Variants in SUSD4 observed in about 807,000 individuals in gnomAD.
SUSD4 encodes sushi domain containing 4, also known as sushi domain-containing protein 4.
Under a neutral mutation model 50.5 loss-of-function variants are expected in SUSD4, and 41 were observed. That is an observed-to-expected ratio of 0.81 (90% confidence interval 0.63 to 1.05). The LOEUF is 1.05. SUSD4 is among the 50% of genes least tolerant of loss of function. SUSD4 has a pLI of 0.00. For missense variants in SUSD4, 580 were observed against 634.7 expected (o/e 0.91, Z 0.93); for synonymous variants, 257 against 257.3 (o/e 1.00, Z 0.01).
intron 2 of SUSD4, among the ~76,000 whole-genome samples, chr1:223,293,551 A>T (rs958340467): frequency 6.6e-6 from 1 of 152,184 alleles, no homozygotes; most frequent in Non-Finnish European, 1.5e-5. Context: ...TGACTGAAAG[A>T]GAGAGAGCCC....
intron 2 of SUSD4, among the ~76,000 whole-genome samples, chr1:223,329,416 A>T (rs983482673): frequency 6.6e-6 from 1 of 152,038 alleles, no homozygotes; most frequent in African/African-American, 2.4e-5. Context: ...CCATATGTGC[A>T]CTCTCTAAGT....
chr1:223,321,855 A>AC (rs1666591479), intron 2 of SUSD4, among the ~76,000 whole-genome samples: 1 of 152,234 alleles, frequency 6.6e-6, no homozygotes, highest in Non-Finnish European at 1.5e-5. Context: ...CTTTATTAAA[A>AC]CATCAAATAA....
chr1:223,350,675 G>A (rs1334920014), intron 2 of SUSD4, among the ~76,000 whole-genome samples: 1 of 152,244 alleles, frequency 6.6e-6, no homozygotes, highest in Non-Finnish European at 1.5e-5. Context: ...GAACTTGGCT[G>A]TGGAGTCCTT....
At chr1:223,279,972 T>C (rs1384268913) in intron 3 of SUSD4, among the ~76,000 whole-genome samples, 3 of 152,184 alleles carry the variant, frequency 2.0e-5, no homozygotes, top group African/African-American at 7.2e-5. Context: ...CGGAATTTCA[T>C]ATCCAGCCAA....
At chr1:223,254,048 T>C (rs1343805614) in intron 5 of SUSD4, among the ~76,000 whole-genome samples, 1 of 152,136 alleles carries the variant, frequency 6.6e-6, no homozygotes, top group Non-Finnish European at 1.5e-5. Flanking sequence ...GTGAACTCAG[T>C]GAAAGAAAGG....
rs985921750 is a variant in SUSD4 at position 223,263,765 on chromosome 1, T to C, written c.724+865A>G. ...CCTCCCACACAGAGGTGCACACTTG[T>C]AGAGATGCTGTAAACTTGTAAGAAC... On this transcript the variant is annotated intron_variant, in intron 5 of 8. Coordinates refer to ENST00000366878, the MANE Select transcript of SUSD4 (RefSeq NM_017982.4). 4 of 985,372 alleles carry C rather than the reference T, an allele frequency of 4.1e-6. No homozygotes were observed. In the African/African-American group the frequency reaches 5.2e-5, roughly 13 times the overall value. The allele number at this position is 985,372 out of a possible 1,614,324, so 61.0% of individuals were successfully genotyped here.
intron 2 of SUSD4, among the ~76,000 whole-genome samples, chr1:223,304,900 C>T (rs1665438659): frequency 1.5e-5 from 2 of 136,388 alleles, no homozygotes; most frequent in African/African-American, 5.7e-5. Flanking sequence ...AGAATGAAAA[C>T]ATATTGCTTC....
intron 7 of SUSD4, among the ~76,000 whole-genome samples, chr1:223,224,873 T>C (rs1424081806): frequency 4.9e-5 from 7 of 142,682 alleles, no homozygotes; most frequent in African/African-American, 1.8e-4. Context: ...TTTTTTTTTT[T>C]TTTTTTTTTT....
At chr1:223,224,999 A>T (rs1202316544) in intron 7 of SUSD4, among the ~76,000 whole-genome samples, 2 of 150,534 alleles carry the variant, frequency 1.3e-5, no homozygotes, top group Non-Finnish European at 2.9e-5. Context: ...CCTCCCGAGT[A>T]GCTGGGATTA....
chr1:223,267,395 G>A (rs183070290), intron 4 of SUSD4, among the ~76,000 whole-genome samples: 61 of 152,308 alleles, frequency 4.0e-4, no homozygotes, highest in African/African-American at 1.4e-3. Flanking sequence ...TGATCGTGTC[G>A]GAGGACTGAA....
chr1:223,319,868 G>A (rs564427644), intron 2 of SUSD4, among the ~76,000 whole-genome samples: 252 of 152,334 alleles, frequency 1.7e-3, no homozygotes, highest in Admixed American at 2.7e-3. Flanking sequence ...TTGGTAGGAG[G>A]GGTGGATGGT....
intron 2 of SUSD4, among the ~76,000 whole-genome samples, chr1:223,322,672 A>G (rs996071888): frequency 1.3e-5 from 2 of 152,024 alleles, no homozygotes; most frequent in African/African-American, 4.8e-5. Flanking sequence ...GTTGACATGT[A>G]GGTACGTGTG....
chr1:223,268,586 A>T lies in SUSD4; in HGVS notation c.451T>A (p.Phe151Ile), dbSNP rs758010426. 2 of 1,613,980 alleles carry T rather than the reference A, an allele frequency of 1.2e-6. No individual in the cohort carries two copies. The highest frequency in any genetic ancestry group is 1.7e-6 in the Non-Finnish European group (2 of 1,179,972). ...TGTAGGTCGGGGTACCGGATCTTGA[A>T]TCCTTCATGACAAGTGATGATTAGC... ...EKLIITCHEG[F>I]KIRYPDLHNM... The change falls in exon 4 of 9, where the codon TTC (phenylalanine) becomes ATC (isoleucine). Residue 151 changes from phenylalanine to isoleucine, a missense_variant. Coordinates refer to ENST00000366878, the MANE Select transcript of SUSD4 (RefSeq NM_017982.4).
chr1:223,344,793 C>T (rs1667941584), intron 2 of SUSD4, among the ~76,000 whole-genome samples: 1 of 152,192 alleles, frequency 6.6e-6, no homozygotes, highest in Non-Finnish European at 1.5e-5. Context: ...ATGATATGTA[C>T]ACGTGGAGGG....
intron 3 of SUSD4, among the ~76,000 whole-genome samples, chr1:223,274,330 T>A (rs1558203799): frequency 6.6e-6 from 1 of 152,170 alleles, no homozygotes; most frequent in Non-Finnish European, 1.5e-5. Context: ...CAGAGATGAC[T>A]GGAGAGAGAG....
intron 2 of SUSD4, among the ~76,000 whole-genome samples, chr1:223,293,229 C>T (rs1484590132): frequency 2.0e-5 from 3 of 152,110 alleles, no homozygotes; most frequent in Admixed American, 6.5e-5. Context: ...CTTACCCCTA[C>T]CCCTATCTGC....
chr1:223,350,214 G>A (rs1031747806), intron 2 of SUSD4, among the ~76,000 whole-genome samples: 14 of 152,346 alleles, frequency 9.2e-5, no homozygotes, highest in East Asian at 1.9e-4. Context: ...CCAAGCTGAC[G>A]GAGACAGTAT....
intron 3 of SUSD4, among the ~76,000 whole-genome samples, chr1:223,287,093 T>C (rs549078015): frequency 2.2e-4 from 33 of 152,206 alleles, no homozygotes; most frequent in Non-Finnish European, 4.3e-4. Flanking sequence ...GCTTTTGTTT[T>C]TGAGGCAAGT....
chr1:223,362,489 G>C (rs940133465), intron 2 of SUSD4, among the ~76,000 whole-genome samples: 1 of 152,154 alleles, frequency 6.6e-6, no homozygotes, highest in African/African-American at 2.4e-5. Flanking sequence ...CTCAAATTCA[G>C]ACAGGAACTC....
Sources: gnomAD v4.1 joint callset for allele counts (sites outside exome capture counted in the v4.1 genomes callset) on GRCh38, gnomAD v4.1.1 for gene constraint, MANE v1.5 for transcripts, NCBI Gene and HGNC (gene_info 2026-07-23, HGNC 2026-07-21) for gene names.